TLCD4: variants seen among roughly 807,000 people sequenced by gnomAD.
TLCD4 encodes the protein TLC domain-containing protein 4.
A neutral mutation model predicts 24.2 loss-of-function variants in TLCD4; 7 were observed. The observed-to-expected ratio is 0.29, with a 90% CI of 0.16 to 0.54. TLCD4 has a LOEUF of 0.54. TLCD4 is among the 20% of genes least tolerant of loss of function. The pLI, the probability that TLCD4 is intolerant of heterozygous loss-of-function variation, is 0.95. For missense variants in TLCD4, 259 were observed against 313.9 expected (o/e 0.82, Z 1.32); for synonymous variants, 103 against 106.4 (o/e 0.97, Z 0.20).
At chr1:95,182,281 T>C (rs942585955) in intron 6 of TLCD4, among the ~76,000 whole-genome samples, 4 of 152,058 alleles carry the variant, frequency 2.6e-5, no homozygotes, top group African/African-American at 7.2e-5. Context: ...GTTTTTTTTT[T>C]CAAGTAAAAA....
Position 95,197,231 on chromosome 1 carries a change from A to G in TLCD4, c.*5363A>G, listed in dbSNP as rs1419407297. 2.0e-5 allele frequency: 3 copies of G among 152,180 alleles called. No individual in the cohort carries two copies. Among genetic ancestry groups the G allele is most frequent in the Non-Finnish European group, 4.4e-5 (3 of 68,014 alleles). The allele number at this position is 152,180 out of a possible 1,614,324, so 9.4% of individuals were successfully genotyped here. ...AGATAATGTATGAATCAGTGTTACT[A>G]GGACTTATCAGTACTTAAAATAGCA... On this transcript the variant is annotated 3_prime_UTR_variant, in exon 7 of 7. Coordinates refer to ENST00000370203, the MANE Select transcript of TLCD4 (RefSeq NM_152487.3).
the TLCD4 span, among the ~76,000 whole-genome samples, chr1:95,098,402 T>A: frequency 1.3e-5 from 2 of 152,224 alleles, no homozygotes; most frequent in Non-Finnish European, 2.9e-5. Context: ...TTTTTCATAA[T>A]CCTTGACCAC....
At chr1:95,094,972 C>T in the TLCD4 span, among the ~76,000 whole-genome samples, 10 of 152,166 alleles carry the variant, frequency 6.6e-5, no homozygotes, top group African/African-American at 1.9e-4. Flanking sequence ...TCAGACTACA[C>T]GAGTTTAAAT....
intron 1 of TLCD4, among the ~76,000 whole-genome samples, chr1:95,121,346 C>G (rs1409943030): frequency 2.0e-5 from 3 of 152,162 alleles, no homozygotes; most frequent in Non-Finnish European, 4.4e-5. Context: ...GTAGGAGGCT[C>G]ACACCTCCCC....
chr1:95,131,966 C>T (rs771328610), intron 1 of TLCD4, among the ~76,000 whole-genome samples: 1 of 152,046 alleles, frequency 6.6e-6, no homozygotes, highest in Non-Finnish European at 1.5e-5. Context: ...TGGATTAGTT[C>T]CTTTGAGAGT....
At chr1:95,183,714 C>T (rs1022763901) in intron 6 of TLCD4, among the ~76,000 whole-genome samples, 15 of 151,656 alleles carry the variant, frequency 9.9e-5, no homozygotes, top group African/African-American at 4.8e-5. Flanking sequence ...TGTGGTGGCG[C>T]GTAGTCCCGG....
intron 1 of TLCD4, among the ~76,000 whole-genome samples, chr1:95,137,236 T>A (rs1438962997): frequency 1.3e-5 from 2 of 151,994 alleles, no homozygotes; most frequent in Non-Finnish European, 2.9e-5. Flanking sequence ...TTGAGAGCGG[T>A]GAATATTTGG....
In TLCD4 at chr1:95,120,405, T is replaced by C. The variant is rs144069403; in HGVS notation, c.-12+2788T>C. The C allele has an allele frequency of 2.6e-5, 4 of 152,342 alleles. No individual in the cohort carries two copies. In the East Asian group the frequency reaches 7.7e-4, roughly 29 times the overall value. The allele number at this position is 152,342 out of a possible 1,614,324, so 9.4% of individuals were successfully genotyped here. A position where few individuals can be genotyped will look rare whatever the true frequency, so the allele number is the denominator to read the frequency against. ...TGGAGGCCTACTGCTCTGAGGCTTG[T>C]TATTCCTGGTGAGACAGTTGGATGT... On this transcript the variant is annotated intron_variant, in intron 1 of 6. Coordinates refer to ENST00000370203, the MANE Select transcript of TLCD4 (RefSeq NM_152487.3).
At chr1:95,099,405 A>G in the TLCD4 span, among the ~76,000 whole-genome samples, 3 of 152,164 alleles carry the variant, frequency 2.0e-5, no homozygotes, top group Admixed American at 2.0e-4. Context: ...TCACATTTAC[A>G]ATGACTTTCT....
intron 1 of TLCD4, among the ~76,000 whole-genome samples, chr1:95,125,186 G>C (rs1288061942): frequency 6.6e-6 from 1 of 152,102 alleles, no homozygotes; most frequent in Admixed American, 6.5e-5. Flanking sequence ...TCAAGTCTGT[G>C]GGCCAAGCTT....
At chr1:95,118,218 G>A (rs1676483049) in intron 1 of TLCD4, 1 of 152,232 alleles carries the variant, frequency 6.6e-6, no homozygotes, top group Admixed American at 6.5e-5. Flanking sequence ...ACCAGGCGTA[G>A]AGTCGGAGGG....
Position 95,143,956 on chromosome 1 carries a change from T to C in TLCD4, c.55T>C (p.Phe19Leu). 6.4e-7 allele frequency: 1 copy of C among 1,572,662 alleles called. No homozygotes were observed. The highest frequency in any genetic ancestry group is 8.6e-7 in the Non-Finnish European group (1 of 1,160,508). ...ISVTCISFFT[F>L]QLLFYFVSYW... is the part of the protein sequence containing the mutation. ...TGTTACCTGTATCAGCTTTTTCACC[T>C]TTCAGCTTCTTTTCTACTTTGTAAG... Residue 19 changes from phenylalanine (F) to leucine (L), a missense_variant, in exon 2 of 7, where the codon TTT becomes CTT. Coordinates refer to ENST00000370203, the MANE Select transcript of TLCD4 (RefSeq NM_152487.3).
chr1:95,113,795 A>T (rs572545937), upstream of TLCD4, among the ~76,000 whole-genome samples: 1 of 152,278 alleles, frequency 6.6e-6, no homozygotes, highest in Non-Finnish European at 1.5e-5. Context: ...GTGTGCCTGT[A>T]GTCTCAGCTA....
In TLCD4 at chr1:95,191,709, T is replaced by A. The variant is rs767131362; in HGVS notation, c.633T>A (p.Leu211=). The change falls in exon 7 of 7, where the codon CTT becomes CTA. Residue 211 remains leucine, a synonymous_variant. Transcript: ENST00000370203. ...ATGGAACAGAACCCTACATAAGGCT[T>A]GGAGTTTTAATCCAGTTATCCTGGG... ...SVYGTEPYIR[L]GVLIQLSWVI... is the part of the protein sequence containing the mutation. 1.7e-5 allele frequency: 27 copies of A among 1,614,056 alleles called. No homozygotes were observed. The highest frequency in any genetic ancestry group is 2.3e-5 in the Non-Finnish European group (27 of 1,180,034).
the TLCD4 span, among the ~76,000 whole-genome samples, chr1:95,096,818 C>T: frequency 4.6e-5 from 7 of 152,198 alleles, no homozygotes; most frequent in African/African-American, 1.4e-4. Flanking sequence ...TCATTTACCT[C>T]ACCAGCACCT....
chr1:95,122,186 G>A (rs561006111), intron 1 of TLCD4, among the ~76,000 whole-genome samples: 40 of 152,144 alleles, frequency 2.6e-4, no homozygotes, highest in Non-Finnish European at 4.0e-4. Flanking sequence ...GTGAAATGCC[G>A]TCTCTATTGA....
chr1:95,185,675 T>G (rs980549313), intron 6 of TLCD4, among the ~76,000 whole-genome samples: 3 of 152,240 alleles, frequency 2.0e-5, no homozygotes, highest in African/African-American at 7.2e-5. Context: ...TTCTTTTCTT[T>G]ATGATTTTCT....
rs186571028 is a variant in TLCD4 at position 95,182,955 on chromosome 1, T to C, written c.474-8595T>C. On this transcript the variant is annotated intron_variant, in intron 6 of 6. Transcript: ENST00000370203. ...AGAGAAAGTATAGGATCAAAGAGTA[T>C]GTCTTAGGGGTAGGGTGGATAGATG... 3.1e-3 allele frequency among the ~76,000 whole-genome samples: 472 copies of C among 152,252 alleles called. 7 individuals carry two copies. The highest frequency in any genetic ancestry group is 4.5e-3 in the Non-Finnish European group (304 of 68,016).
At chr1:95,093,298 C>G in the TLCD4 span, among the ~76,000 whole-genome samples, 1 of 152,230 alleles carries the variant, frequency 6.6e-6, no homozygotes, top group South Asian at 2.1e-4. Context: ...AACGAACAAG[C>G]AATTAAGGAC....
Sources: allele counts gnomAD v4.1 joint callset (sites outside exome capture counted in the v4.1 genomes callset), GRCh38; gene constraint gnomAD v4.1.1; transcripts MANE v1.5; gene names NCBI Gene and HGNC (gene_info 2026-07-23, HGNC 2026-07-21).